Variants in AKAP13 observed in about 807,000 individuals in gnomAD.
AKAP13 encodes A-kinase anchoring protein 13.
In AKAP13, 80 loss-of-function variants were observed where a neutral mutation model predicts 264.5. The ratio of observed to expected loss-of-function variants is 0.30; its 90% CI spans 0.25 to 0.36. The LOEUF (loss-of-function observed/expected upper bound fraction) is 0.36. AKAP13 is among the 10% of genes least tolerant of loss of function. AKAP13 has a pLI of 1.00. For missense variants in AKAP13, 3,712 were observed against 3,435.2 expected, an observed-to-expected ratio of 1.08 and a Z score of -2.01; for synonymous variants, 1,380 against 1,250.2, an observed-to-expected ratio of 1.10 and a Z score of -2.19.
Position 85,563,417 on chromosome 15 carries a change from G to A in AKAP13, c.663-11714G>A, listed in dbSNP as rs973357967. On this transcript the variant is annotated intron_variant, in intron 5 of 36. Transcript: ENST00000394518. ...CCAACATTTTGTCAGTCTCTTCAAC[G>A]CTCACTATTCTGTTGATCAATGTAG... Among the ~76,000 whole-genome samples the A allele has an allele frequency of 2.2e-5, 3 of 138,178 alleles. No homozygotes were observed. The Admixed American group carries it at 2.5e-4, about 11-fold the overall frequency. The allele number at this position is 138,178 out of a possible 152,430, so 90.7% of individuals were successfully genotyped here.
At chr15:85,537,710 C>T (rs1288886651) in intron 4 of AKAP13, among the ~76,000 whole-genome samples, 1 of 152,130 alleles carries the variant, frequency 6.6e-6, no homozygotes, top group African/African-American at 2.4e-5. Flanking sequence ...GGCTTCATTG[C>T]AAGAGTTTGT....
At chr15:85,464,215 C>T (rs1471513638) in intron 1 of AKAP13, among the ~76,000 whole-genome samples, 2 of 152,164 alleles carry the variant, frequency 1.3e-5, no homozygotes, top group African/African-American at 4.8e-5. Context: ...TTCCCTGTCC[C>T]TGTTGTGCCT....
intron 35 of AKAP13, among the ~76,000 whole-genome samples, chr15:85,741,729 C>CG (rs2089000895): frequency 1.2e-5 from 1 of 82,272 alleles, no homozygotes; most frequent in Non-Finnish European, 3.1e-5. Flanking sequence ...AACAAACAAA[C>CG]AAAAAAAAAA....
intron 17 of AKAP13, among the ~76,000 whole-genome samples, chr15:85,705,370 T>G (rs997972216): frequency 1.3e-5 from 2 of 152,206 alleles, no homozygotes; most frequent in Non-Finnish European, 2.9e-5. Flanking sequence ...CAGATCAGAA[T>G]TAGTAGCTGG....
chr15:85,703,372 C>A (rs566960227), intron 17 of AKAP13, among the ~76,000 whole-genome samples: 1 of 152,144 alleles, frequency 6.6e-6, no homozygotes, highest in Non-Finnish European at 1.5e-5. Context: ...AGTGTTGTTA[C>A]GAAAACTGCT....
chr15:85,578,634 A>G (rs1034374146), intron 6 of AKAP13, among the ~76,000 whole-genome samples: 2 of 152,174 alleles, frequency 1.3e-5, no homozygotes, highest in African/African-American at 4.8e-5. Flanking sequence ...ATGAGCCACC[A>G]TGCCCGGCGA....
At chr15:85,527,074 C>A (rs2077080765) in intron 3 of AKAP13, among the ~76,000 whole-genome samples, 1 of 152,028 alleles carries the variant, frequency 6.6e-6, no homozygotes. Context: ...CCTGCCTCAG[C>A]CTCCCGAGTT....
intron 11 of AKAP13, among the ~76,000 whole-genome samples, chr15:85,656,394 C>T (rs1203659580): frequency 6.6e-6 from 1 of 152,120 alleles, no homozygotes; most frequent in Non-Finnish European, 1.5e-5. Context: ...AAGTGTGACC[C>T]AGTATCAGTC....
intron 8 of AKAP13, among the ~76,000 whole-genome samples, chr15:85,598,335 T>C (rs1433275035): frequency 6.6e-6 from 1 of 152,148 alleles, no homozygotes; most frequent in South Asian, 2.1e-4. Context: ...GTCTCTACTT[T>C]GTGGGCAACA....
chr15:85,433,117 GTTTTTTTTTTT>G (rs199655190), intron 1 of AKAP13, among the ~76,000 whole-genome samples: 7 of 53,246 alleles, frequency 1.3e-4, no homozygotes, highest in African/African-American at 4.0e-4. Flanking sequence ...CTTCTGTACA[GTTTTTTTTTTT>G]TTTTTTTTTT....
chr15:85,694,195 T>C (rs2085445708), intron 17 of AKAP13, among the ~76,000 whole-genome samples: 1 of 152,242 alleles, frequency 6.6e-6, no homozygotes, highest in Admixed American at 6.5e-5. Context: ...CATTAAGCCA[T>C]AGTGACGGCC....
intron 30 of AKAP13, among the ~76,000 whole-genome samples, chr15:85,734,680 A>G (rs1286255853): frequency 6.6e-6 from 1 of 152,242 alleles, no homozygotes; most frequent in African/African-American, 2.4e-5. Context: ...TTTCCAGGGA[A>G]TATCTTCTGT....
chr15:85,638,171 G>T (rs561821732), intron 8 of AKAP13, among the ~76,000 whole-genome samples: 1 of 151,862 alleles, frequency 6.6e-6, no homozygotes, highest in African/African-American at 2.4e-5. Flanking sequence ...GGCGTGCCAC[G>T]CCCAGCCTAT....
intron 36 of AKAP13, chr15:85,744,167 T>G (rs1004781139): frequency 3.1e-6 from 1 of 319,820 alleles, no homozygotes; most frequent in African/African-American, 2.1e-5. Context: ...ATTTGGTGAT[T>G]TAACCCTCAA....
At chr15:85,633,827 A>C (rs1596815310) in intron 8 of AKAP13, among the ~76,000 whole-genome samples, 2 of 151,766 alleles carry the variant, frequency 1.3e-5, no homozygotes, top group East Asian at 3.9e-4. Context: ...TACAGGTATG[A>C]GCCACTGCAC....
chr15:85,395,523 T>C (rs1298492211), intron 1 of AKAP13, among the ~76,000 whole-genome samples: 1 of 152,200 alleles, frequency 6.6e-6, no homozygotes, highest in Non-Finnish European at 1.5e-5. Context: ...TTATGAATAA[T>C]TGAGATTGGC....
intron 1 of AKAP13, chr15:85,481,053 C>T (rs4526974): frequency 0.49 from 74,675 of 151,924 alleles, 19,098 homozygotes; most frequent in Middle Eastern, 0.61. Context: ...TAAACATTTT[C>T]GTAGCTTCTG....
At chr15:85,426,694 CAGTT>C (rs773045054) in intron 1 of AKAP13, among the ~76,000 whole-genome samples, 5 of 152,138 alleles carry the variant, frequency 3.3e-5, no homozygotes, top group Non-Finnish European at 5.9e-5. Flanking sequence ...AGTTTCTACT[CAGTT>C]ACTTTGTCAT....
In AKAP13 at chr15:85,718,172, A is replaced by G. The variant is rs777667326; in HGVS notation, c.6001+13A>G. 11 of 1,612,956 alleles carry G rather than the reference A, an allele frequency of 6.8e-6. No individual in the cohort carries two copies. In the South Asian group the frequency reaches 1.2e-4, roughly 18 times the overall value. On this transcript the variant is annotated intron_variant, in intron 22 of 36. Transcript: ENST00000394518. The surrounding 1 kb of genome is among the most constrained non-coding windows in gnomAD (Gnocchi z 4.9). ...GAAGTAATATATGGTGAGAGTCTTC[A>G]TTTTGCTCTGATTATATTTGATTTC...
Sources: allele counts gnomAD v4.1 joint callset (sites outside exome capture counted in the v4.1 genomes callset), GRCh38; gene constraint gnomAD v4.1.1; non-coding constraint Gnocchi (gnomAD v3.1); transcripts MANE v1.5; gene names NCBI Gene and HGNC (gene_info 2026-07-23, HGNC 2026-07-21).